The following METTL22 variants were observed in gnomAD, a reference collection of about 807,000 sequenced individuals.
The protein encoded by METTL22 is methyltransferase-like protein 22.
In METTL22, 51 loss-of-function variants were observed where a neutral mutation model predicts 48.4. The observed-to-expected ratio is 1.05, with a 90% CI of 0.84 to 1.33. The LOEUF (loss-of-function observed/expected upper bound fraction) is 1.33, where lower values mean the gene tolerates loss of function less well. Ranked by LOEUF, METTL22 falls within the 40% of genes most tolerant of loss-of-function variation. The pLI, the probability that METTL22 is intolerant of heterozygous loss-of-function variation, is 0.00. For synonymous variants in METTL22, 255 were observed against 214.1 expected, an observed-to-expected ratio of 1.19 and a Z score of -1.67; for missense variants, 678 against 526.9, an observed-to-expected ratio of 1.29 and a Z score of -2.81.
the METTL22 span, among the ~76,000 whole-genome samples, chr16:8,661,422 A>T: frequency 6.9e-6 from 1 of 145,920 alleles, no homozygotes; most frequent in South Asian, 2.2e-4. Flanking sequence ...CAAGGCGGGC[A>T]GATCACGAGG....
chr16:8,641,218 T>G (rs1231497207), intron 7 of METTL22, 34 bp downstream of exon 7: 2 of 1,609,634 alleles, frequency 1.2e-6, no homozygotes, highest in Non-Finnish European at 1.7e-6. Flanking sequence ...CCCAGTATGA[T>G]TCAGTGATTC....
At chr16:8,639,464 T>C in intron 6 of METTL22, 1 of 424,952 alleles carries the variant, frequency 2.4e-6, no homozygotes, top group South Asian at 3.0e-5. Flanking sequence ...CAAGATGTCC[T>C]CATGAAACAT....
the METTL22 span, among the ~76,000 whole-genome samples, chr16:8,664,430 C>A: frequency 3.9e-5 from 6 of 152,006 alleles, no homozygotes; most frequent in South Asian, 1.3e-3. Flanking sequence ...ACAGTGTGAG[C>A]CACCACGCCC....
At chr16:8,634,373 A>G (rs1000081042) in intron 3 of METTL22, among the ~76,000 whole-genome samples, 1 of 152,204 alleles carries the variant, frequency 6.6e-6, no homozygotes, top group Non-Finnish European at 1.5e-5. Context: ...CTTACTTAAC[A>G]ACAAAAAATG....
the METTL22 span, among the ~76,000 whole-genome samples, chr16:8,663,855 T>G: frequency 6.6e-6 from 1 of 152,160 alleles, no homozygotes; most frequent in Non-Finnish European, 1.5e-5. Flanking sequence ...TGCCAACGTG[T>G]TGGGCTCAGT....
chr16:8,656,268 G>C, the METTL22 span, among the ~76,000 whole-genome samples: 1 of 152,166 alleles, frequency 6.6e-6, no homozygotes, highest in Non-Finnish European at 1.5e-5. Flanking sequence ...TAAGAGAAAA[G>C]CATTTTGAAG....
chr16:8,650,065 C>A (rs150428148), downstream of METTL22, among the ~76,000 whole-genome samples: 2,302 of 152,282 alleles, frequency 0.015, 65 homozygotes, highest in African/African-American at 0.053. Flanking sequence ...GTGGCTCATA[C>A]CTGTGATCCC....
the METTL22 span, among the ~76,000 whole-genome samples, chr16:8,663,546 CCCCACCCAGGTGGGGG>C: frequency 4.5e-5 from 5 of 111,690 alleles, no homozygotes; most frequent in African/African-American, 7.2e-5. Flanking sequence ...CAAGAGGGGG[CCCCACCCAGGTGGGGG>C]CCCCACCTGG....
At chr16:8,625,265 G>C (rs1208518854) in intron 1 of METTL22, among the ~76,000 whole-genome samples, 1 of 151,972 alleles carries the variant, frequency 6.6e-6, no homozygotes. Flanking sequence ...GAGGATCATT[G>C]AATCTAAGCA....
intron 9 of METTL22, among the ~76,000 whole-genome samples, chr16:8,644,044 G>A (rs557040585): frequency 2.6e-4 from 40 of 152,356 alleles, no homozygotes; most frequent in African/African-American, 9.4e-4. Flanking sequence ...TGAAAGGCAA[G>A]TGGCAGGGTT....
Position 8,635,498 on chromosome 16 carries a change from C to T in METTL22, c.700+186C>T, listed in dbSNP as rs535173933. On this transcript the variant is annotated intron_variant, in intron 5 of 10. Coordinates refer to ENST00000381920, the MANE Select transcript of METTL22 (RefSeq NM_024109.4). ...GTGACATCAAAATGACCCAGCAATA[C>T]CCACTCAGCAGCAGCAGCGTCACCC... Among the ~76,000 whole-genome samples the T allele has an allele frequency of 1.3e-4, 20 of 152,318 alleles. 1 individual carries two copies. The South Asian group carries it at 3.3e-3, about 25-fold the overall frequency.
chr16:8,633,829 G>C (rs1423039950), intron 3 of METTL22, among the ~76,000 whole-genome samples: 2 of 152,218 alleles, frequency 1.3e-5, no homozygotes, highest in Admixed American at 6.5e-5. Context: ...TTTACAAACA[G>C]TAATGCTGAA....
the METTL22 span, among the ~76,000 whole-genome samples, chr16:8,660,305 C>T: frequency 6.6e-6 from 1 of 151,966 alleles, no homozygotes; most frequent in African/African-American, 2.4e-5. Context: ...GCCTCCCAAG[C>T]TGGAACTACA....
At chr16:8,627,459 C>A (rs1197120159) in intron 2 of METTL22, among the ~76,000 whole-genome samples, 1 of 152,126 alleles carries the variant, frequency 6.6e-6, no homozygotes, top group Non-Finnish European at 1.5e-5. Flanking sequence ...TCTCCACAGA[C>A]AGCCCCTCCC....
the METTL22 span, among the ~76,000 whole-genome samples, chr16:8,659,537 C>A: frequency 1.3e-5 from 2 of 152,022 alleles, no homozygotes; most frequent in African/African-American, 4.8e-5. Context: ...TGTCTGACCT[C>A]ACGAAGCCTA....
the METTL22 span, among the ~76,000 whole-genome samples, chr16:8,661,373 G>A: frequency 1.2e-4 from 18 of 151,850 alleles, no homozygotes; most frequent in Admixed American, 8.5e-4. Context: ...TTGGCCGGGC[G>A]CGGTGGCTCA....
At chr16:8,626,039 C>A (rs1482024772) in intron 2 of METTL22, among the ~76,000 whole-genome samples, 2 of 152,160 alleles carry the variant, frequency 1.3e-5, no homozygotes, top group Non-Finnish European at 2.9e-5. Context: ...CTCTGTCACC[C>A]AGTCTGGAGT....
intron 3 of METTL22, 61 bp from the exon 4 acceptor site, chr16:8,634,978 G>A: frequency 1.2e-6 from 2 of 1,609,592 alleles, no homozygotes; most frequent in South Asian, 2.2e-5. Context: ...GTCCTGTCTT[G>A]TGGTTTTCTG....
At chr16:8,626,761 C>CTTTTTTTTT (rs34726811) in intron 2 of METTL22, among the ~76,000 whole-genome samples, 2 of 52,532 alleles carry the variant, frequency 3.8e-5, no homozygotes, top group Admixed American at 3.1e-4. Context: ...GTCCTCTACT[C>CTTTTTTTTT]TTTTTTTTTT....
Sources: allele counts gnomAD v4.1 joint callset (sites outside exome capture counted in the v4.1 genomes callset), GRCh38; gene constraint gnomAD v4.1.1; transcripts MANE v1.5; gene names NCBI Gene and HGNC (gene_info 2026-07-23, HGNC 2026-07-21).